Variants in IK observed in about 807,000 individuals in gnomAD.
IK encodes the protein IK cytokine.
Under a neutral mutation model 90.9 loss-of-function variants are expected in IK, and 47 were observed. The ratio of observed to expected loss-of-function variants is 0.52; its 90% CI spans 0.41 to 0.66. The LOEUF (loss-of-function observed/expected upper bound fraction) is 0.66. Among genes scored for constraint, IK ranks in the 30% least tolerant of loss-of-function variants. IK has a pLI of 0.00. For missense variants in IK, 385 were observed against 709.3 expected (o/e 0.54, Z 5.19); for synonymous variants, 201 against 227.5 (o/e 0.88, Z 1.05).
Position 140,662,294 on chromosome 5 carries a change from C to T in IK, c.1647-8C>T. ...TCTTATACTGACCCATTTCTCCTTC[C>T]ATTGCAGGGTTGAAGTCAAAAGACC... On this transcript the variant is annotated splice_region_variant and splice_polypyrimidine_tract_variant and intron_variant, in intron 19 of 19. Coordinates refer to ENST00000417647, the MANE Select transcript of IK (RefSeq NM_006083.4). 1.2e-6 allele frequency: 2 copies of T among 1,613,964 alleles called. No individual in the cohort carries two copies. The highest frequency in any genetic ancestry group is 1.7e-6 in the Non-Finnish European group (2 of 1,179,872).
At chr5:140,658,003 A>AT (rs762339492) in intron 10 of IK, among the ~76,000 whole-genome samples, 58 of 152,206 alleles carry the variant, frequency 3.8e-4, no homozygotes, top group Admixed American at 3.6e-3. Context: ...ATTTTATTTT[A>AT]TTTATTTATT....
In IK at chr5:140,657,080, G is replaced by A. The variant is rs147821125; in HGVS notation, c.802-474G>A. Among the ~76,000 whole-genome samples the A allele has an allele frequency of 2.8e-3, 421 of 152,246 alleles. 3 individuals are homozygous for A. Among genetic ancestry groups the A allele is most frequent in the Middle Eastern group, 0.014 (4 of 294 alleles). Reference sequence around the variant, plus strand: ...TAGCCAGGCGTGGCGGCATGTGCCCGTAATCCCAGTTACTCGGAAGGCTGA... The same window carrying A: ...TAGCCAGGCGTGGCGGCATGTGCCCATAATCCCAGTTACTCGGAAGGCTGA... On this transcript the variant is annotated intron_variant, in intron 9 of 19. Coordinates refer to ENST00000417647, the MANE Select transcript of IK (RefSeq NM_006083.4).
intron 15 of IK, 79 bp downstream of exon 15, chr5:140,660,274 T>C: frequency 1.4e-6 from 1 of 720,976 alleles, no homozygotes; most frequent in Non-Finnish European, 2.4e-6. Context: ...TTTGATTCGC[T>C]AAGTCCCAGG....
chr5:140,653,128 G>A lies in IK; in HGVS notation c.388G>A (p.Gly130Ser). 1 of 1,613,790 alleles carries A rather than the reference G, an allele frequency of 6.2e-7. No individual in the cohort carries two copies. The highest frequency in any genetic ancestry group is 2.2e-5 in the East Asian group (1 of 44,872). Residue 130 changes from glycine (G) to serine (S), a missense_variant, in exon 5 of 20, where the codon GGC becomes AGC. Gly to Ser is a moderately conservative substitution (Grantham distance 56, BLOSUM62 0). Transcript: ENST00000417647. ...CACCACAGCTAACTATAGGGCTGTT[G>A]GCCCCACTGCTGAGGCGTGAGTACT... ...ISTTANYRAV[G>S]PTAEADKSAA...
At chr5:140,652,217 T>A in intron 4 of IK, 70 bp downstream of exon 4, 1 of 1,167,586 alleles carries the variant, frequency 8.6e-7, no homozygotes, top group East Asian at 2.3e-5. Flanking sequence ...AGGGGCTAAT[T>A]ATGAAGCTAG....
At chr5:140,660,690 G>A (rs372194739) in intron 15 of IK, 68 bp from the exon 16 acceptor site, 121 of 1,239,984 alleles carry the variant, frequency 9.8e-5, no homozygotes, top group Non-Finnish European at 1.3e-4. Flanking sequence ...CCTCTTAGTC[G>A]GGTAGGTTTC....
Position 140,647,903 on chromosome 5 carries a change from A to G in IK, c.-6A>G, listed in dbSNP as rs1333725054. 9.3e-6 allele frequency: 15 copies of G among 1,613,870 alleles called. No homozygotes were observed. The highest frequency in any genetic ancestry group is 1.1e-5 in the Non-Finnish European group (13 of 1,179,886). On this transcript the variant is annotated 5_prime_UTR_variant, in exon 1 of 20. In the 5' UTR this introduces an upstream ATG that the reference lacks. Transcript: ENST00000417647. ...TTGTTGGTGACAGCGAAAGAACGATAACAAAATGCCGGAGCGAGATAGTAA... is the reference window on the plus strand; with the variant it reads ...TTGTTGGTGACAGCGAAAGAACGATGACAAAATGCCGGAGCGAGATAGTAA...
Position 140,660,292 on chromosome 5 carries a change from C to CTGTTTTTTTT in IK, c.1355+98_1355+99insGTTTTTTTTT, listed in dbSNP as rs1757781473. 2.0e-5 allele frequency: 5 copies of CTGTTTTTTTT among 245,082 alleles called. No homozygotes were observed. The African/African-American group carries it at 2.1e-4, about 10-fold the overall frequency. The allele number at this position is 245,082 out of a possible 1,614,324, so 15.2% of individuals were successfully genotyped here. ...GATTCGCTAAGTCCCAGGGCTACTT[C>CTGTTTTTTTT]TTTTTTTTTTTTTTTTTTTTTTGGA... On this transcript the variant is annotated intron_variant, in intron 15 of 19. Transcript: ENST00000417647.
chr5:140,654,637 G>T lies in IK; in HGVS notation c.591-44G>T, dbSNP rs1311727257. On this transcript the variant is annotated intron_variant, in intron 7 of 19. Coordinates refer to ENST00000417647, the MANE Select transcript of IK (RefSeq NM_006083.4). The stretch of plus-strand genomic sequence containing the variant: ...AGAATTTAGAAAGGTGGGACCTAAA[G>T]TTAGAGCACATTTAGCAAAAATAAA... 5 of 1,582,114 alleles carry T rather than the reference G, an allele frequency of 3.2e-6. No individual in the cohort carries two copies. The Admixed American group carries it at 5.3e-5, about 17-fold the overall frequency.
chr5:140,660,289 C>CTTTTTTTTTTTTTTTTTTTT, intron 15 of IK, 94 bp downstream of exon 15: 1 of 282,650 alleles, frequency 3.5e-6, no homozygotes, highest in African/African-American at 6.2e-5. Context: ...CCCAGGGCTA[C>CTTTTTTTTTTTTTTTTTTTT]TTCTTTTTTT....
intron 2 of IK, among the ~76,000 whole-genome samples, chr5:140,651,438 TAAAA>T (rs79493817): frequency 1.8e-5 from 2 of 111,940 alleles, no homozygotes; most frequent in African/African-American, 6.8e-5. Flanking sequence ...GACTCTGTCT[TAAAA>T]AAAAAAAAAA....
chr5:140,655,698 A>T, intron 8 of IK, 131 bp from the exon 9 acceptor site: 2 of 791,236 alleles, frequency 2.5e-6, no homozygotes, highest in Non-Finnish European at 4.1e-6. Context: ...TCCACTTCAT[A>T]GGGCTGTTGC....
Position 140,659,845 on chromosome 5 carries a change from T to C in IK, c.1274+11T>C, listed in dbSNP as rs1175095900. On this transcript the variant is annotated intron_variant, in intron 14 of 19. Transcript: ENST00000417647. ...GGAAGGCACAGAATCATATCCTTTA[T>C]TTTAATACGTTCCTGGGTTCCAGAG... is the stretch of plus-strand genomic sequence containing the variant. The C allele has an allele frequency of 3.8e-6, 6 of 1,561,750 alleles. 1 individual carries two copies. In the South Asian group the frequency reaches 7.0e-5, roughly 18 times the overall value.
Position 140,658,765 on chromosome 5 carries a change from G to A in IK, c.939G>A (p.Glu313=). Residue 313 remains glutamate (E), a synonymous_variant, in exon 11 of 20, where the codon GAG becomes GAA. Transcript: ENST00000417647. ...KGKLEEKKPP[E]ADMNIFEDIG... is the part of the protein sequence containing the mutation. ...AGCTGGAAGAGAAGAAACCTCCTGA[G>A]GCTGACATGAAGTATGTATCCTAGC... 2 of 1,611,794 alleles carry A rather than the reference G, an allele frequency of 1.2e-6. No homozygotes were observed. Among genetic ancestry groups the A allele is most frequent in the Non-Finnish European group, 1.7e-6 (2 of 1,178,754 alleles).
intron 4 of IK, 89 bp from the exon 5 acceptor site, chr5:140,652,888 G>T: frequency 8.5e-7 from 1 of 1,182,566 alleles, no homozygotes; most frequent in Non-Finnish European, 1.2e-6. Context: ...AGAGTAGGTT[G>T]GAGATGTAGG....
chr5:140,661,839 G>A lies in IK; in HGVS notation c.1503-60G>A, dbSNP rs1757806049. 3 of 1,501,424 alleles carry A rather than the reference G, an allele frequency of 2.0e-6. No homozygotes were observed. The highest frequency in any genetic ancestry group is 2.7e-6 in the Non-Finnish European group (3 of 1,097,648). 93.0% of individuals were successfully genotyped at this position (1,501,424 alleles called of 1,614,324 possible). A position where few individuals can be genotyped will look rare whatever the true frequency, so the allele number is the denominator to read the frequency against. On this transcript the variant is annotated intron_variant, in intron 17 of 19. Transcript: ENST00000417647. The surrounding 1 kb of genome is among the most constrained non-coding windows in gnomAD (Gnocchi z 4.2). ...TAAGTTCTTTGCCCACAGGACTCTGGGAAAACCTCGCCACTGCTATGCAAT... is the reference window on the plus strand; with the variant it reads ...TAAGTTCTTTGCCCACAGGACTCTGAGAAAACCTCGCCACTGCTATGCAAT...
chr5:140,652,884 G>C lies in IK; in HGVS notation c.237-93G>C, dbSNP rs114818943. The C allele has an allele frequency of 4.1e-3, 4,704 of 1,140,328 alleles. 138 individuals carry two copies. The African/African-American group carries it at 0.063, about 15-fold the overall frequency. The allele number at this position is 1,140,328 out of a possible 1,614,324, so 70.6% of individuals were successfully genotyped here. A position where few individuals can be genotyped will look rare whatever the true frequency, so the allele number is the denominator to read the frequency against. ...CATGAGCTTTTCCCCATAGAGAGTA[G>C]GTTGGAGATGTAGGGAAGCAAGCAG... On this transcript the variant is annotated intron_variant, in intron 4 of 19. Transcript: ENST00000417647.
Position 140,654,530 on chromosome 5 carries a change from T to C in IK, c.534T>C (p.Ile178=). 1 of 1,589,086 alleles carries C rather than the reference T, an allele frequency of 6.3e-7. No individual in the cohort carries two copies. The highest frequency in any genetic ancestry group is 8.6e-7 in the Non-Finnish European group (1 of 1,167,156). The change falls in exon 7 of 20, where the codon ATT becomes ATC. Residue 178 remains isoleucine, a synonymous_variant. Coordinates refer to ENST00000417647, the MANE Select transcript of IK (RefSeq NM_006083.4). ...FALLQKVRAE[I]ASKEKEEEEL... is the part of the protein sequence containing the mutation. The stretch of plus-strand genomic sequence containing the variant: ...TTTCCTGTTAGGTACGAGCTGAGAT[T>C]GCCAGCAAAGAGAAAGAGGAAGAGG...
chr5:140,661,165 T>TG lies in IK; in HGVS notation c.1413+350_1413+351insG, dbSNP rs1757797323. The stretch of plus-strand genomic sequence containing the variant: ...AATTTTATTCTAGCCAGGATTGAAG[T>TG]TTTCCTCTAAGTCTTAAGCAAAATT... On this transcript the variant is annotated intron_variant, in intron 16 of 19. Transcript: ENST00000417647. This position sits in a 1 kb window ranked among gnomAD's most constrained non-coding sequence, Gnocchi z 4.2. 1 of 289,948 alleles carries TG rather than the reference T, an allele frequency of 3.4e-6. No homozygotes were observed. Among genetic ancestry groups the TG allele is most frequent in the African/African-American group, 2.2e-5 (1 of 45,698 alleles). 18.0% of individuals were successfully genotyped at this position (289,948 alleles called of 1,614,324 possible).
Sources: allele counts gnomAD v4.1 joint callset (sites outside exome capture counted in the v4.1 genomes callset), GRCh38; gene constraint gnomAD v4.1.1; non-coding constraint Gnocchi (gnomAD v3.1); transcripts MANE v1.5; gene names NCBI Gene and HGNC (gene_info 2026-07-23, HGNC 2026-07-21).